GPR174: variants seen among roughly 807,000 people sequenced by gnomAD.
The protein encoded by GPR174 is G protein-coupled receptor 174.
Under a neutral mutation model 16.5 loss-of-function variants are expected in GPR174, and 8 were observed. The observed-to-expected ratio is 0.48, with a 90% CI of 0.28 to 0.87. The LOEUF (loss-of-function observed/expected upper bound fraction) is 0.87, where lower values mean the gene tolerates loss of function less well. GPR174 is among the 40% of genes least tolerant of loss of function. The pLI, the probability that GPR174 is intolerant of heterozygous loss-of-function variation, is 0.09. For synonymous variants in GPR174, 111 were observed against 94.8 expected (o/e 1.17, Z -0.99); for missense variants, 214 against 247.5 (o/e 0.86, Z 0.91).
At chrX:79,156,672 C>T (rs572160872) in intron 1 of GPR174, 150 bp from the exon 2 acceptor site, 1 of 111,956 alleles carries the variant, frequency 8.9e-6, no homozygotes. Flanking sequence ...ACTTCGCTAC[C>T]ACTAATGACT....
chrX:79,173,656 A>G lies in GPR174; in HGVS notation c.*1647A>G, dbSNP rs1039268844. ...TCTAGACTGATGGAAAGTTTTCTAA[A>G]GTTTTCTTTGGACAAGTGTTGATTT... is the stretch of plus-strand genomic sequence containing the variant. On this transcript the variant is annotated 3_prime_UTR_variant, in exon 3 of 3. Transcript: ENST00000645147. 1.1e-4 allele frequency: 12 copies of G among 111,983 alleles called. No individual in the cohort carries two copies. The highest frequency in any genetic ancestry group is 1.9e-4 in the Non-Finnish European group (10 of 53,133). 9.2% of individuals were successfully genotyped at this position (111,983 alleles called of 1,213,427 possible).
At chrX:79,170,005 G>C (rs1921469226) in intron 2 of GPR174, among the ~76,000 whole-genome samples, 1 of 112,054 alleles carries the variant, frequency 8.9e-6, no homozygotes, top group Non-Finnish European at 1.9e-5. Context: ...TACTCAATCA[G>C]AATCTCTGGA....
chrX:79,150,513 G>A (rs1318242880), intron 1 of GPR174, among the ~76,000 whole-genome samples: 1 of 111,619 alleles, frequency 9.0e-6, no homozygotes, highest in African/African-American at 3.3e-5. Flanking sequence ...TAACCCACTT[G>A]TCATATTGGG....
rs1040403699 is a variant in GPR174, at chrX:79,164,336, A to G, written c.-556-6116A>G. 3.6e-5 allele frequency among the ~76,000 whole-genome samples: 4 copies of G among 112,103 alleles called. No individual in the cohort carries two copies. The East Asian group carries it at 1.1e-3, about 31-fold the overall frequency. ...AAGAAAAAGACCATGTAGGAGATGC[A>G]TTAGAAATTATGTGTCACTTTCTGC... is the stretch of plus-strand genomic sequence containing the variant. On this transcript the variant is annotated intron_variant, in intron 2 of 2. Coordinates refer to ENST00000645147, the MANE Select transcript of GPR174 (RefSeq NM_032553.3).
In GPR174 at chrX:79,171,974, C is replaced by A. The variant is rs1355735251; in HGVS notation, c.967C>A (p.His323Asn). 1 of 1,198,945 alleles carries A rather than the reference C, an allele frequency of 8.3e-7. No homozygotes were observed. Among genetic ancestry groups the A allele is most frequent in the South Asian group, 1.8e-5 (1 of 54,214 alleles). ...QLHAKSFVSN[H>N]TASTMTPELC Reference sequence around the variant, plus strand: ...CCATGCAAAATCCTTTGTGAGTAACCATACAGCTTCCACCATGACACCTGA... The same window carrying A: ...CCATGCAAAATCCTTTGTGAGTAACAATACAGCTTCCACCATGACACCTGA... Residue 323 changes from histidine to asparagine, a missense_variant, in exon 3 of 3, where the codon CAT becomes AAT. His to Asn is a moderately conservative substitution (Grantham distance 68, BLOSUM62 1). Coordinates refer to ENST00000645147, the MANE Select transcript of GPR174 (RefSeq NM_032553.3).
chrX:79,171,709 C>A lies in GPR174; in HGVS notation c.702C>A (p.Thr234=). The change falls in exon 3 of 3, where the codon ACC becomes ACA. Residue 234 remains threonine, a synonymous_variant. Transcript: ENST00000645147. ...EKQKALKMIL[T]CAGVFLICFA... ...AGAAAGCCTTGAAGATGATTCTAAC[C>A]TGTGCAGGGGTATTCCTAATTTGCT... 8.3e-7 allele frequency: 1 copy of A among 1,211,258 alleles called. No homozygotes were observed. Among genetic ancestry groups the A allele is most frequent in the Non-Finnish European group, 1.1e-6 (1 of 895,186 alleles).
intron 2 of GPR174, among the ~76,000 whole-genome samples, chrX:79,169,749 A>G (rs766515246): frequency 1.8e-5 from 2 of 111,896 alleles, no homozygotes; most frequent in Non-Finnish European, 3.8e-5. Flanking sequence ...GACCCAGCTG[A>G]GTCAACTTTC....
chrX:79,149,804 A>C (rs1032042512), intron 1 of GPR174, among the ~76,000 whole-genome samples: 3 of 100,715 alleles, frequency 3.0e-5, no homozygotes, highest in African/African-American at 1.1e-4. Context: ...CATGGAGACT[A>C]GATTAAACCT....
At chrX:79,156,068 TAC>T (rs1921089160) in intron 1 of GPR174, among the ~76,000 whole-genome samples, 1 of 112,296 alleles carries the variant, frequency 8.9e-6, no homozygotes, top group African/African-American at 3.2e-5. Context: ...GCTGATTGAT[TAC>T]AGTTAATAGG....
rs965188481 is a variant in GPR174, at chrX:79,170,868, G to A, written c.-140G>A. The A allele has an allele frequency of 2.0e-6, 1 of 496,409 alleles. No individual in the cohort carries two copies. Among genetic ancestry groups the A allele is most frequent in the African/African-American group, 2.4e-5 (1 of 41,330 alleles). 40.9% of individuals were successfully genotyped at this position (496,409 alleles called of 1,213,427 possible). On this transcript the variant is annotated 5_prime_UTR_variant, in exon 3 of 3. Transcript: ENST00000645147. ...CAAATCATACGTAGAGACTCAGACA[G>A]ATGTGGTAAAAAGAGGAAGGTTATT... is the stretch of plus-strand genomic sequence containing the variant.
At chrX:79,149,216 T>C (rs1382708204) in intron 1 of GPR174, among the ~76,000 whole-genome samples, 6 of 112,475 alleles carry the variant, frequency 5.3e-5, no homozygotes, top group African/African-American at 1.9e-4. Flanking sequence ...GACATATTTC[T>C]TTGACTTTTT....
chrX:79,170,854 T>C lies in GPR174; in HGVS notation c.-154T>C. Reference sequence around the variant, plus strand: ...CTTTGAAAAATCCCCAAATCATACGTAGAGACTCAGACAGATGTGGTAAAA... The same window carrying C: ...CTTTGAAAAATCCCCAAATCATACGCAGAGACTCAGACAGATGTGGTAAAA... On this transcript the variant is annotated 5_prime_UTR_variant, in exon 3 of 3. Coordinates refer to ENST00000645147, the MANE Select transcript of GPR174 (RefSeq NM_032553.3). The C allele has an allele frequency of 2.1e-6, 1 of 468,503 alleles. No individual in the cohort carries two copies. Among genetic ancestry groups the C allele is most frequent in the Non-Finnish European group, 3.6e-6 (1 of 277,286 alleles). 38.6% of individuals were successfully genotyped at this position (468,503 alleles called of 1,213,427 possible).
rs1276697926 is a variant in GPR174, at chrX:79,145,006, CTT to C, written c.-863_-862del. Reference sequence around the variant, plus strand: ...TCTTTCTTTCTTTCTCTCTCTCTCTCTTTCTTTCTTTCTTTCTTTCTTTCTTT... The same window carrying C: ...TCTTTCTTTCTTTCTCTCTCTCTCTCTCTTTCTTTCTTTCTTTCTTTCTTT... On this transcript the variant is annotated 5_prime_UTR_variant, in exon 1 of 3. Coordinates refer to ENST00000645147, the MANE Select transcript of GPR174 (RefSeq NM_032553.3). 0.012 allele frequency: 79 copies of C among 6,735 alleles called. No homozygotes were observed. Among genetic ancestry groups the C allele is most frequent in the South Asian group, 0.045 (14 of 314 alleles). 0.6% of individuals were successfully genotyped at this position (6,735 alleles called of 1,213,427 possible).
intron 1 of GPR174, among the ~76,000 whole-genome samples, chrX:79,149,192 T>A (rs2147447232): frequency 8.9e-6 from 1 of 112,368 alleles, no homozygotes; most frequent in South Asian, 3.7e-4. Context: ...GACTTACTCA[T>A]TTAATTTTCT....
At chrX:79,160,256 C>T (rs1351628239) in intron 2 of GPR174, among the ~76,000 whole-genome samples, 1 of 110,631 alleles carries the variant, frequency 9.0e-6, no homozygotes, top group Admixed American at 9.7e-5. Context: ...TTGATTGTTT[C>T]CCAATAATTT....
In GPR174 at chrX:79,170,541, A is replaced by T. The variant is rs1921485683; in HGVS notation, c.-467A>T. On this transcript the variant is annotated 5_prime_UTR_variant, in exon 3 of 3. Transcript: ENST00000645147. Reference sequence around the variant, plus strand: ...CTTTCCAAGTTAATCATCCCTGAAGAGTGGCGGACTCATTGTGCACTAAAG... The same window carrying T: ...CTTTCCAAGTTAATCATCCCTGAAGTGTGGCGGACTCATTGTGCACTAAAG... 2 of 113,994 alleles carry T rather than the reference A, an allele frequency of 1.8e-5. No individual in the cohort carries two copies. Among genetic ancestry groups the T allele is most frequent in the African/African-American group, 6.5e-5 (2 of 30,540 alleles). The allele number at this position is 113,994 out of a possible 1,213,427, so 9.4% of individuals were successfully genotyped here.
In GPR174 at chrX:79,170,502, C is replaced by T. The variant is rs1365942367; in HGVS notation, c.-506C>T. ...GCTTTTGACCTATAGCTGAAAAAGT[C>T]CCAGAAAGCTGATCTTTCCAAGTTA... On this transcript the variant is annotated 5_prime_UTR_variant, in exon 3 of 3. Coordinates refer to ENST00000645147, the MANE Select transcript of GPR174 (RefSeq NM_032553.3). 2.7e-5 allele frequency: 3 copies of T among 110,110 alleles called. No homozygotes were observed. The highest frequency in any genetic ancestry group is 5.7e-5 in the Non-Finnish European group (3 of 52,962). 9.1% of individuals were successfully genotyped at this position (110,110 alleles called of 1,213,427 possible). A position where few individuals can be genotyped will look rare whatever the true frequency, so the allele number is the denominator to read the frequency against.
intron 2 of GPR174, among the ~76,000 whole-genome samples, chrX:79,157,383 G>A (rs1021523610): frequency 2.2e-4 from 25 of 111,711 alleles, no homozygotes; most frequent in African/African-American, 8.1e-4. Flanking sequence ...CACTAGTCCT[G>A]GTGCTGAATT....
intron 2 of GPR174, among the ~76,000 whole-genome samples, chrX:79,161,086 T>C (rs1921223717): frequency 8.9e-6 from 1 of 112,086 alleles, no homozygotes; most frequent in Non-Finnish European, 1.9e-5. Context: ...CATTTTAAAA[T>C]AAAAATAACC....
Sources: gnomAD v4.1 joint callset for allele counts (sites outside exome capture counted in the v4.1 genomes callset) on GRCh38, gnomAD v4.1.1 for gene constraint, MANE v1.5 for transcripts, NCBI Gene and HGNC (gene_info 2026-07-23, HGNC 2026-07-21) for gene names.